Variants in PHLDB2 observed in about 807,000 individuals in gnomAD.
The protein encoded by PHLDB2 is pleckstrin homology-like domain family B member 2.
Under a neutral mutation model 123.6 loss-of-function variants are expected in PHLDB2, and 71 were observed. The ratio of observed to expected loss-of-function variants is 0.57; its 90% CI spans 0.47 to 0.70. PHLDB2 has a LOEUF of 0.70. PHLDB2 is among the 30% of genes least tolerant of loss of function. The pLI is 0.00. For missense variants in PHLDB2, 1,446 were observed against 1,519.5 expected (o/e 0.95, Z 0.80); for synonymous variants, 547 against 541.6 (o/e 1.01, Z -0.14).
In PHLDB2 at chr3:111,885,428, A is replaced by G. The variant is rs765534865; in HGVS notation, c.1335+16A>G. The G allele has an allele frequency of 6.2e-5, 100 of 1,613,668 alleles. No homozygotes were observed. Among genetic ancestry groups the G allele is most frequent in the Non-Finnish European group, 7.5e-5 (89 of 1,180,010 alleles). On this transcript the variant is annotated intron_variant, in intron 2 of 17. Coordinates refer to ENST00000431670, the MANE Select transcript of PHLDB2 (RefSeq NM_001134438.2). ...GGAGCGATTGGTAATCTTCATCTCA[A>G]CAGTGATTGACCTCACTGTTTCATT...
At chr3:111,892,160 C>A (rs769821887) in intron 2 of PHLDB2, among the ~76,000 whole-genome samples, 14 of 152,202 alleles carry the variant, frequency 9.2e-5, no homozygotes, top group Non-Finnish European at 1.8e-4. Context: ...ATTTTTTACA[C>A]ACATACGAAT....
chr3:111,758,282 G>C (rs2059932791), intron 1 of PHLDB2, among the ~76,000 whole-genome samples: 1 of 152,204 alleles, frequency 6.6e-6, no homozygotes, highest in African/African-American at 2.4e-5. Flanking sequence ...CGCCTGCTTT[G>C]TTTACCTAAG....
chr3:111,894,363 A>G lies in PHLDB2; in HGVS notation c.1335+8951A>G, dbSNP rs368687195. Among the ~76,000 whole-genome samples the G allele has an allele frequency of 8.3e-4, 126 of 152,102 alleles. 2 individuals carry two copies. The East Asian group carries it at 0.022, about 26-fold the overall frequency. The stretch of plus-strand genomic sequence containing the variant: ...CTTTGCTATTGTGAGTAATGCCGCA[A>G]TAAACATACATGTGCATGTGTCTTT... On this transcript the variant is annotated intron_variant, in intron 2 of 17. Coordinates refer to ENST00000431670, the MANE Select transcript of PHLDB2 (RefSeq NM_001134438.2).
intron 2 of PHLDB2, among the ~76,000 whole-genome samples, chr3:111,905,516 C>G (rs559001296): frequency 6.6e-6 from 1 of 152,156 alleles, no homozygotes; most frequent in South Asian, 2.1e-4. Context: ...GCCACCTCAC[C>G]CAGCTAATTT....
chr3:111,875,083 C>T (rs2065536877), intron 1 of PHLDB2, among the ~76,000 whole-genome samples: 1 of 151,890 alleles, frequency 6.6e-6, no homozygotes, highest in African/African-American at 2.4e-5. Flanking sequence ...ATGTTTTTGC[C>T]AGAGTCATTT....
intron 1 of PHLDB2, among the ~76,000 whole-genome samples, chr3:111,753,866 A>T (rs2107978277): frequency 6.6e-6 from 1 of 152,324 alleles, no homozygotes; most frequent in South Asian, 2.1e-4. Flanking sequence ...CTTTCTACAT[A>T]GGGCTAGCCA....
intron 1 of PHLDB2, among the ~76,000 whole-genome samples, chr3:111,830,861 C>T (rs578202226): frequency 5.5e-4 from 79 of 142,792 alleles, no homozygotes; most frequent in Admixed American, 2.3e-3. Flanking sequence ...CTAAGCATAT[C>T]ATTGTCAGCA....
chr3:111,776,998 A>C (rs1223371939), intron 1 of PHLDB2, among the ~76,000 whole-genome samples: 4 of 152,102 alleles, frequency 2.6e-5, no homozygotes, highest in Non-Finnish European at 4.4e-5. Context: ...AATAAAGGCC[A>C]CCAATCAGCA....
chr3:111,942,700 G>A (rs2069989970), intron 8 of PHLDB2, among the ~76,000 whole-genome samples: 1 of 152,000 alleles, frequency 6.6e-6, no homozygotes, highest in Admixed American at 6.6e-5. Context: ...GCTGTGAAGG[G>A]CCTTATGGAG....
At chr3:111,774,856 ATCCC>A (rs2060239579) in intron 1 of PHLDB2, among the ~76,000 whole-genome samples, 1 of 152,126 alleles carries the variant, frequency 6.6e-6, no homozygotes, top group Non-Finnish European at 1.5e-5. Context: ...CCAGTTCAGC[ATCCC>A]TCTGTGCTGT....
rs6809779 is a variant in PHLDB2, at chr3:111,851,546, G to C, written c.67+5611G>C. ...ACGCAGTTCTCAGTTGAGCAGCCTC[G>C]ACTTGAGACTGACACCTTGTTTAAT... On this transcript the variant is annotated intron_variant, in intron 2 of 17. Transcript: ENST00000393923. Among the ~76,000 whole-genome samples the C allele has an allele frequency of 3.3e-5, 5 of 152,200 alleles. No individual in the cohort carries two copies. In the East Asian group the frequency reaches 9.6e-4, roughly 29 times the overall value.
At chr3:111,845,940 G>T in intron 2 of PHLDB2, 1 of 1,612,532 alleles carries the variant, frequency 6.2e-7, no homozygotes, top group African/African-American at 1.3e-5. Context: ...ATTTCGGTGA[G>T]AACTTTATTG....
At chr3:111,763,077 A>T (rs2060021306) in intron 1 of PHLDB2, among the ~76,000 whole-genome samples, 1 of 152,208 alleles carries the variant, frequency 6.6e-6, no homozygotes. Flanking sequence ...CCCCAAGGAA[A>T]GGCAGGGAGC....
At chr3:111,893,649 CT>C (rs36030335) in intron 2 of PHLDB2, among the ~76,000 whole-genome samples, 13,334 of 143,444 alleles carry the variant, frequency 0.093, 715 homozygotes, top group East Asian at 0.16. Flanking sequence ...AATTCTCTAC[CT>C]TTTTTTTTTT....
chr3:111,931,145 G>T (rs759806989), intron 5 of PHLDB2, among the ~76,000 whole-genome samples: 1 of 152,090 alleles, frequency 6.6e-6, no homozygotes, highest in Non-Finnish European at 1.5e-5. Context: ...TTTTGTTCCT[G>T]CCAGTTTATA....
intron 3 of PHLDB2, among the ~76,000 whole-genome samples, chr3:111,918,776 C>G (rs968399907): frequency 6.6e-6 from 1 of 152,202 alleles, no homozygotes; most frequent in African/African-American, 2.4e-5. Flanking sequence ...ATCTCAATCT[C>G]TATATACCAC....
intron 1 of PHLDB2, among the ~76,000 whole-genome samples, chr3:111,748,251 T>C (rs1286074179): frequency 6.6e-6 from 1 of 152,170 alleles, no homozygotes; most frequent in East Asian, 1.9e-4. Flanking sequence ...CACCTGACTC[T>C]ACCCTCCATC....
intron 6 of PHLDB2, among the ~76,000 whole-genome samples, chr3:111,934,302 T>G (rs112366691): frequency 1.6e-4 from 25 of 152,278 alleles, no homozygotes; most frequent in African/African-American, 6.0e-4. Flanking sequence ...TTCACTTACT[T>G]CATGAGAAGT....
intron 1 of PHLDB2, among the ~76,000 whole-genome samples, chr3:111,829,978 A>C (rs1447753903): frequency 2.5e-5 from 3 of 119,646 alleles, no homozygotes; most frequent in African/African-American, 5.0e-5. Flanking sequence ...ACACAGCAAA[A>C]CCAAGAATTC....
Sources: gnomAD v4.1 joint callset for allele counts (sites outside exome capture counted in the v4.1 genomes callset) on GRCh38, gnomAD v4.1.1 for gene constraint, MANE v1.5 for transcripts, NCBI Gene and HGNC (gene_info 2026-07-23, HGNC 2026-07-21) for gene names.